CACNA2D1: variants seen among roughly 807,000 people sequenced by gnomAD.
The protein encoded by CACNA2D1 is voltage-dependent calcium channel subunit alpha-2/delta-1.
In CACNA2D1, 53 loss-of-function variants were observed where a neutral mutation model predicts 171.5. The ratio of observed to expected loss-of-function variants is 0.31; its 90% CI spans 0.25 to 0.39. The LOEUF (loss-of-function observed/expected upper bound fraction) is 0.39, where lower values mean the gene tolerates loss of function less well. CACNA2D1 is among the 10% of genes least tolerant of loss of function. The pLI is 1.00. For missense variants in CACNA2D1, 903 were observed against 1,299.8 expected, an observed-to-expected ratio of 0.69 and a Z score of 4.69; for synonymous variants, 442 against 443.1, an observed-to-expected ratio of 1.00 and a Z score of 0.03.
intron 3 of CACNA2D1, among the ~76,000 whole-genome samples, chr7:82,291,490 ATAT>A (rs1811583302): frequency 7.5e-6 from 1 of 133,476 alleles, no homozygotes; most frequent in Non-Finnish European, 1.5e-5. Context: ...TATATTATAT[ATAT>A]TTTTATATAT....
intron 24 of CACNA2D1, among the ~76,000 whole-genome samples, chr7:81,981,676 T>C (rs1201396662): frequency 1.3e-5 from 2 of 152,136 alleles, no homozygotes; most frequent in Non-Finnish European, 2.9e-5. Flanking sequence ...TGTCATGGAA[T>C]AGGAGTCAAA....
chr7:82,343,942 T>C (rs1818964878), intron 2 of CACNA2D1, among the ~76,000 whole-genome samples: 2 of 152,206 alleles, frequency 1.3e-5, no homozygotes, highest in Admixed American at 6.5e-5. Flanking sequence ...TCATATCTTA[T>C]TAACAAATGG....
intron 10 of CACNA2D1, among the ~76,000 whole-genome samples, chr7:82,058,722 A>C (rs940451015): frequency 1.3e-5 from 2 of 152,176 alleles, no homozygotes; most frequent in African/African-American, 2.4e-5. Flanking sequence ...AAGTAGATAG[A>C]GGCCTCACAC....
intron 6 of CACNA2D1, among the ~76,000 whole-genome samples, chr7:82,091,419 C>T (rs550340521): frequency 6.6e-6 from 1 of 152,292 alleles, no homozygotes; most frequent in Admixed American, 6.5e-5. Flanking sequence ...GATTTCTGGC[C>T]TTGCCCCCTA....
chr7:82,180,793 G>A lies in CACNA2D1; in HGVS notation c.295-10184C>T, dbSNP rs74827608. ...ACAGGAGGCCAGTGGGAAGTCTTGA[G>A]GTGACAGGGAGCTCAGCTAGCAGGT... On this transcript the variant is annotated intron_variant, in intron 3 of 38. Coordinates refer to ENST00000356860, the MANE Select transcript of CACNA2D1 (RefSeq NM_000722.4). 1.8e-4 allele frequency among the ~76,000 whole-genome samples: 28 copies of A among 152,128 alleles called. No homozygotes were observed. The East Asian group carries it at 2.5e-3, about 14-fold the overall frequency.
At chr7:82,290,468 A>G (rs577596949) in intron 3 of CACNA2D1, among the ~76,000 whole-genome samples, 2 of 152,246 alleles carry the variant, frequency 1.3e-5, no homozygotes, top group Admixed American at 6.5e-5. Context: ...AAAGCAATAT[A>G]AATTCATTTC....
Position 82,363,254 on chromosome 7 carries a change from C to CTTTTTTTTTTTTTTTTTTT in CACNA2D1, c.96-13624_96-13606dup, listed in dbSNP as rs35419275. On this transcript the variant is annotated intron_variant, in intron 1 of 38. Transcript: ENST00000356860. ...CTACCATAGTTTTATTTATTTGTCT[C>CTTTTTTTTTTTTTTTTTTT]TTTTTTTTTTTTTTTTTTTTTTTTT... Among the ~76,000 whole-genome samples, 9 of 63,432 alleles carry CTTTTTTTTTTTTTTTTTTT rather than the reference C, an allele frequency of 1.4e-4. 1 individual carries two copies. The highest frequency in any genetic ancestry group is 7.5e-4 in the African/African-American group (9 of 11,946). 41.6% of individuals were successfully genotyped at this position (63,432 alleles called of 152,430 possible). A position where few individuals can be genotyped will look rare whatever the true frequency, so the allele number is the denominator to read the frequency against.
intron 6 of CACNA2D1, among the ~76,000 whole-genome samples, chr7:82,099,093 A>C (rs1266110281): frequency 7.2e-6 from 1 of 138,630 alleles, no homozygotes; most frequent in African/African-American, 2.5e-5. Context: ...TCATGGTTTT[A>C]AAAGAATCCT....
chr7:81,967,966 G>A lies in CACNA2D1; in HGVS notation c.2396-303C>T, dbSNP rs186997152. Among the ~76,000 whole-genome samples the A allele has an allele frequency of 1.9e-3, 281 of 151,610 alleles. 2 individuals are homozygous for A. The Middle Eastern group carries it at 0.031, about 17-fold the overall frequency. On this transcript the variant is annotated intron_variant, in intron 29 of 38. Transcript: ENST00000356860. ...TCATTCAAACGGTATATTTTAAGAT[G>A]TTTCCCTAACCCCACCAGTGCTTGC...
Position 81,982,645 on chromosome 7 carries a change from C to T in CACNA2D1, c.1895-18G>A. The T allele has an allele frequency of 6.6e-7, 1 of 1,510,624 alleles. No individual in the cohort carries two copies. Among genetic ancestry groups the T allele is most frequent in the Non-Finnish European group, 9.2e-7 (1 of 1,086,358 alleles). 93.6% of individuals were successfully genotyped at this position (1,510,624 alleles called of 1,614,324 possible). Reference sequence around the variant, plus strand: ...TTCCGAATCTGCAAAGATAATGTTACAGGATTAGATAGGTAATTCAGAGTA... The same window carrying T: ...TTCCGAATCTGCAAAGATAATGTTATAGGATTAGATAGGTAATTCAGAGTA... On this transcript the variant is annotated intron_variant, in intron 23 of 38. Transcript: ENST00000356860.
At chr7:82,078,152 T>G (rs986985825) in intron 7 of CACNA2D1, among the ~76,000 whole-genome samples, 1 of 152,182 alleles carries the variant, frequency 6.6e-6, no homozygotes, top group African/African-American at 2.4e-5. Flanking sequence ...TAGGTTCCTT[T>G]ATTGTAATCT....
intron 1 of CACNA2D1, among the ~76,000 whole-genome samples, chr7:82,387,542 A>G (rs1285949760): frequency 6.6e-6 from 1 of 152,292 alleles, no homozygotes; most frequent in Middle Eastern, 3.4e-3. Flanking sequence ...GCCAAGGGTG[A>G]TAAATTTTAT....
At chr7:82,079,691 CAAA>C (rs755722648) in intron 7 of CACNA2D1, among the ~76,000 whole-genome samples, 3 of 70,052 alleles carry the variant, frequency 4.3e-5, no homozygotes, top group African/African-American at 5.1e-5. Context: ...GACTCTGTCT[CAAA>C]AAAAAAAAAA....
chr7:82,433,833 C>A (rs1829909516), intron 1 of CACNA2D1, among the ~76,000 whole-genome samples: 1 of 152,210 alleles, frequency 6.6e-6, no homozygotes, highest in Non-Finnish European at 1.5e-5. Flanking sequence ...TGTAATACCT[C>A]CTAAGAAGAC....
intron 5 of CACNA2D1, among the ~76,000 whole-genome samples, chr7:82,123,224 T>C (rs1255485538): frequency 1.3e-5 from 2 of 152,214 alleles, no homozygotes; most frequent in African/African-American, 4.8e-5. Flanking sequence ...ATTGGTTTTA[T>C]AGTTTCTCCC....
chr7:82,328,319 A>G (rs1816893700), intron 3 of CACNA2D1, among the ~76,000 whole-genome samples: 1 of 152,106 alleles, frequency 6.6e-6, no homozygotes, highest in Admixed American at 6.5e-5. Context: ...TGAAATTCAT[A>G]TGTAGCTTGG....
At chr7:82,173,338 T>C (rs1224439750) in intron 3 of CACNA2D1, among the ~76,000 whole-genome samples, 3 of 152,064 alleles carry the variant, frequency 2.0e-5, no homozygotes, top group East Asian at 1.9e-4. Flanking sequence ...AAAATGTTTT[T>C]AGAAAAATAA....
At chr7:82,441,583 A>G (rs1830506947) in intron 1 of CACNA2D1, among the ~76,000 whole-genome samples, 1 of 152,164 alleles carries the variant, frequency 6.6e-6, no homozygotes, top group South Asian at 2.1e-4. Flanking sequence ...ATTATTGCAG[A>G]TGTTCTTCTT....
At chr7:81,980,172 C>CAAAAA (rs35616922) in intron 24 of CACNA2D1, among the ~76,000 whole-genome samples, 466 of 25,298 alleles carry the variant, frequency 0.018, 5 homozygotes, top group Non-Finnish European at 0.021. Flanking sequence ...TAAAACCAAG[C>CAAAAA]AAAAAAAAAA....
Sources: gnomAD v4.1 joint callset for allele counts (sites outside exome capture counted in the v4.1 genomes callset) on GRCh38, gnomAD v4.1.1 for gene constraint, MANE v1.5 for transcripts, NCBI Gene and HGNC (gene_info 2026-07-23, HGNC 2026-07-21) for gene names.